The following UBE2L3 variants were observed in gnomAD, a reference collection of about 807,000 sequenced individuals.
UBE2L3 encodes the protein ubiquitin-conjugating enzyme E2 L3.
A neutral mutation model predicts 17.8 loss-of-function variants in UBE2L3; 1 was observed. That is an observed-to-expected ratio of 0.06 (90% CI 0.02 to 0.27). The LOEUF is 0.27. UBE2L3 is among the 10% of genes least tolerant of loss of function. The probability of loss-of-function intolerance (pLI) is 1.00; values close to 1 mark genes in which losing one functional copy is unlikely to be tolerated. For missense variants in UBE2L3, 40 were observed against 192.6 expected (o/e 0.21, Z 4.69); for synonymous variants, 44 against 68.5 (o/e 0.64, Z 1.76).
chr22:21,601,205 G>T (rs1398971397), intron 2 of UBE2L3, among the ~76,000 whole-genome samples: 1 of 151,958 alleles, frequency 6.6e-6, no homozygotes, highest in Non-Finnish European at 1.5e-5. Flanking sequence ...CATACTTAAA[G>T]GCAATTTACA....
intron 1 of UBE2L3, among the ~76,000 whole-genome samples, chr22:21,577,091 C>A (rs892519313): frequency 6.6e-6 from 1 of 152,000 alleles, no homozygotes; most frequent in African/African-American, 2.4e-5. Flanking sequence ...GCTTCACCCT[C>A]TCGAGTAGCT....
chr22:21,558,679 A>T (rs1926326750), intron 1 of UBE2L3, among the ~76,000 whole-genome samples: 1 of 150,024 alleles, frequency 6.7e-6, no homozygotes, highest in South Asian at 2.2e-4. Flanking sequence ...TTGTAGAGAC[A>T]GGGTCTCCCT....
intron 1 of UBE2L3, among the ~76,000 whole-genome samples, chr22:21,583,063 A>G (rs1320956733): frequency 6.6e-6 from 1 of 152,188 alleles, no homozygotes; most frequent in Non-Finnish European, 1.5e-5. Context: ...CCTGGCTGAA[A>G]GTTCTGGCCC....
chr22:21,612,358 G>A (rs1218046566), intron 3 of UBE2L3, among the ~76,000 whole-genome samples: 1 of 152,022 alleles, frequency 6.6e-6, no homozygotes, highest in African/African-American at 2.4e-5. Flanking sequence ...ACGGAGTCTC[G>A]CTCTGTCACC....
intron 2 of UBE2L3, among the ~76,000 whole-genome samples, chr22:21,606,929 C>T (rs887145398): frequency 5.9e-5 from 9 of 152,290 alleles, no homozygotes; most frequent in Middle Eastern, 3.4e-3. Context: ...ACTGCCTGCC[C>T]GCAGCCTCCT....
intron 1 of UBE2L3, among the ~76,000 whole-genome samples, chr22:21,552,518 G>A (rs2148386274): frequency 1.4e-5 from 1 of 71,216 alleles, no homozygotes; most frequent in Non-Finnish European, 2.8e-5. Flanking sequence ...AGTCACATCA[G>A]AGGCCCCTTT....
intron 2 of UBE2L3, 32 bp from the exon 3 acceptor site, chr22:21,610,825 G>A (rs368516487): frequency 2.5e-5 from 39 of 1,556,532 alleles, no homozygotes; most frequent in Middle Eastern, 1.7e-4. Flanking sequence ...ATGAACCATG[G>A]TGTGTTCATT....
chr22:21,587,216 A>C (rs1053322643), intron 1 of UBE2L3, among the ~76,000 whole-genome samples: 4 of 147,514 alleles, frequency 2.7e-5, no homozygotes, highest in Non-Finnish European at 5.9e-5. Flanking sequence ...TTTTGAGACG[A>C]AGTCTTGCTC....
upstream of UBE2L3, among the ~76,000 whole-genome samples, chr22:21,563,045 C>T (rs1354307620): frequency 2.0e-5 from 3 of 150,802 alleles, no homozygotes; most frequent in African/African-American, 7.3e-5. Context: ...AGTTCGAGAT[C>T]AGCCTGACCA....
At chr22:21,605,006 AGTGGCGT>A (rs1454377092) in intron 2 of UBE2L3, among the ~76,000 whole-genome samples, 2 of 152,208 alleles carry the variant, frequency 1.3e-5, no homozygotes, top group Non-Finnish European at 2.9e-5. Context: ...GCTGGAAGGC[AGTGGCGT>A]GATCATGGCT....
chr22:21,622,095 G>C lies in UBE2L3; in HGVS notation c.*426G>C. 5.6e-6 allele frequency: 1 copy of C among 178,298 alleles called. No homozygotes were observed. Among genetic ancestry groups the C allele is most frequent in the East Asian group, 1.8e-4 (1 of 5,580 alleles). 11.0% of individuals were successfully genotyped at this position (178,298 alleles called of 1,614,324 possible). A position where few individuals can be genotyped will look rare whatever the true frequency, so the allele number is the denominator to read the frequency against. On this transcript the variant is annotated 3_prime_UTR_variant, in exon 4 of 4. Transcript: ENST00000342192. Reference sequence around the variant, plus strand: ...TCACTTACTTACTTCCCCAGACCCCGGGCTCGCCTCCACAAAGGAGAAGAG... The same window carrying C: ...TCACTTACTTACTTCCCCAGACCCCCGGCTCGCCTCCACAAAGGAGAAGAG...
At chr22:21,577,019 A>G (rs1927347607) in intron 1 of UBE2L3, among the ~76,000 whole-genome samples, 1 of 142,032 alleles carries the variant, frequency 7.0e-6, no homozygotes, top group Non-Finnish European at 1.5e-5. Flanking sequence ...CCCAGGCTGG[A>G]GTGCAGTGGT....
chr22:21,585,552 C>G (rs1568976508), intron 1 of UBE2L3, among the ~76,000 whole-genome samples: 1 of 152,212 alleles, frequency 6.6e-6, no homozygotes, highest in Non-Finnish European at 1.5e-5. Context: ...CTTGATCCAG[C>G]CTCTGTTTAT....
intron 1 of UBE2L3, among the ~76,000 whole-genome samples, chr22:21,577,333 A>G (rs1185894131): frequency 6.6e-6 from 1 of 151,772 alleles, no homozygotes; most frequent in Non-Finnish European, 1.5e-5. Flanking sequence ...GTGAACTCCT[A>G]ACCTCAGGTG....
chr22:21,576,801 C>CTTTTT lies in UBE2L3; in HGVS notation c.27+9046_27+9050dup, dbSNP rs757829734. 1.2e-3 allele frequency among the ~76,000 whole-genome samples: 137 copies of CTTTTT among 118,144 alleles called. 2 individuals carry two copies. Among genetic ancestry groups the CTTTTT allele is most frequent in the South Asian group, 4.5e-3 (16 of 3,526 alleles). 77.5% of individuals were successfully genotyped at this position (118,144 alleles called of 152,430 possible). Reference sequence around the variant, plus strand: ...ATTCTTGCTTCTTGTCTTCTCTTTCCTTTTTTTTTTTTTTTTTTTTGAGAC... The same window carrying CTTTTT: ...ATTCTTGCTTCTTGTCTTCTCTTTCCTTTTTTTTTTTTTTTTTTTTTTTTTGAGAC... On this transcript the variant is annotated intron_variant, in intron 1 of 3. Coordinates refer to ENST00000342192, the MANE Select transcript of UBE2L3 (RefSeq NM_003347.4).
rs1930046993 is a variant in UBE2L3, at chr22:21,621,778, G to GA, written c.*109_*110insA. 1.3e-6 allele frequency: 1 copy of GA among 790,960 alleles called. No homozygotes were observed. Among genetic ancestry groups the GA allele is most frequent in the African/African-American group, 1.8e-5 (1 of 56,644 alleles). 49.0% of individuals were successfully genotyped at this position (790,960 alleles called of 1,614,324 possible). ...AAATTGACACGTGCCACCGCCTGGC[G>GA]TTCGCTTGTGGCAGTTACTAACTTT... On this transcript the variant is annotated 3_prime_UTR_variant, in exon 4 of 4. Transcript: ENST00000342192.
At chr22:21,614,546 C>G in intron 3 of UBE2L3, 2 of 1,366,488 alleles carry the variant, frequency 1.5e-6, no homozygotes, top group Non-Finnish European at 2.0e-6. Context: ...GTCTCCTGCC[C>G]TTGTCCTTAG....
In UBE2L3 at chr22:21,576,970, AT is replaced by A. The variant is rs149443941; in HGVS notation, c.27+9215del. 4.8e-3 allele frequency among the ~76,000 whole-genome samples: 601 copies of A among 125,904 alleles called. 2 individuals carry two copies. Among genetic ancestry groups the A allele is most frequent in the African/African-American group, 6.5e-3 (221 of 33,806 alleles). 82.6% of individuals were successfully genotyped at this position (125,904 alleles called of 152,430 possible). ...AGGCGTGTGCCACCATGCCTGGCTA[AT>A]TTTTTTTTTTTTTTTGAGATGGAGT... On this transcript the variant is annotated intron_variant, in intron 1 of 3. Transcript: ENST00000342192.
At chr22:21,593,694 G>A (rs1479102114) in intron 2 of UBE2L3, among the ~76,000 whole-genome samples, 5 of 151,930 alleles carry the variant, frequency 3.3e-5, no homozygotes, top group African/African-American at 4.8e-5. Flanking sequence ...CTGAAACCAC[G>A]TCACACCCAG....
Sources: allele counts gnomAD v4.1 joint callset (sites outside exome capture counted in the v4.1 genomes callset), GRCh38; gene constraint gnomAD v4.1.1; transcripts MANE v1.5; gene names NCBI Gene and HGNC (gene_info 2026-07-23, HGNC 2026-07-21).